SV2A: variants seen among roughly 807,000 people sequenced by gnomAD.
SV2A encodes solute carrier family 22 member B1.
A neutral mutation model predicts 78.0 loss-of-function variants in SV2A; 25 were observed. The ratio of observed to expected loss-of-function variants is 0.32; its 90% confidence interval spans 0.23 to 0.45. The LOEUF is 0.45. SV2A is among the 20% of genes least tolerant of loss of function. The probability of loss-of-function intolerance (pLI) is 1.00; values close to 1 mark genes in which losing one functional copy is unlikely to be tolerated. For missense variants in SV2A, 752 were observed against 971.5 expected (o/e 0.77, Z 3.00); for synonymous variants, 355 against 384.7 (o/e 0.92, Z 0.90).
intron 2 of SV2A, 113 bp from the exon 3 acceptor site, chr1:149,912,093 C>T (rs1260508816): frequency 1.4e-5 from 15 of 1,087,954 alleles, no homozygotes; most frequent in Non-Finnish European, 1.9e-5. Flanking sequence ...GAAGGTAAGT[C>T]TACCCAGAGA....
chr1:149,910,469 CA>C lies in SV2A; in HGVS notation c.1089+100del. ...AGGAAGGCAGGCAGTCAAACAGGAT[CA>C]AATCAAACTCCAGTTGGTGTTTGAA... On this transcript the variant is annotated intron_variant, in intron 5 of 12. Transcript: ENST00000369146. The surrounding 1 kb of genome is among the most constrained non-coding windows in gnomAD (Gnocchi z 4.2). 2 of 1,428,814 alleles carry C rather than the reference CA, an allele frequency of 1.4e-6. No individual in the cohort carries two copies. The highest frequency in any genetic ancestry group is 5.0e-5 in the East Asian group (2 of 40,066). The allele number at this position is 1,428,814 out of a possible 1,614,324, so 88.5% of individuals were successfully genotyped here.
rs782783214 is a variant in SV2A, at chr1:149,906,846, C to G, written c.1689G>C (p.Glu563Asp). Reference sequence around the variant, plus strand: ...TCAGACGGCTGTTCACAAACTTGTACTCGAACAGGTCTGTGGGCAAAGGCC... The same window carrying G: ...TCAGACGGCTGTTCACAAACTTGTAGTCGAACAGGTCTGTGGGCAAAGGCC... Reference protein sequence around the residue: ...NTVFYNTDLFEYKFVNSRLIN... With the variant: ...NTVFYNTDLFDYKFVNSRLIN... Residue 563 changes from glutamate (E) to aspartate (D), a missense_variant, in exon 11 of 13, where the codon GAG (glutamate) becomes GAC (aspartate). Glu to Asp is a conservative substitution (Grantham distance 45). Transcript: ENST00000369146. 3.7e-6 allele frequency: 6 copies of G among 1,614,078 alleles called. No individual in the cohort carries two copies. The South Asian group carries it at 4.4e-5, about 12-fold the overall frequency.
At chr1:149,916,048 CT>C (rs1451028018) in intron 1 of SV2A, among the ~76,000 whole-genome samples, 1 of 152,154 alleles carries the variant, frequency 6.6e-6, no homozygotes, top group Non-Finnish European at 1.5e-5. Context: ...GCAGTGACCC[CT>C]ATGTCACCTT....
Position 149,909,524 on chromosome 1 carries a change from G to C in SV2A, c.1227C>G (p.Ile409Met). 1 of 1,614,070 alleles carries C rather than the reference G, an allele frequency of 6.2e-7. No homozygotes were observed. Among genetic ancestry groups the C allele is most frequent in the Non-Finnish European group, 8.5e-7 (1 of 1,180,010 alleles). Residue 409 changes from isoleucine (I) to methionine (M), a missense_variant, in exon 7 of 13, where the codon ATC (isoleucine) becomes ATG (methionine). This residue lies in a region of SV2A where 136 missense variants were observed against 132.3 expected (regional missense o/e 1.03). Coordinates refer to ENST00000369146, the MANE Select transcript of SV2A (RefSeq NM_014849.5). Reference sequence around the variant, plus strand: ...GGTACCAGGTCCCTGTGTCCGACTGGATCTCAATCAATTCATCCTCCTGAT... The same window carrying C: ...GGTACCAGGTCCCTGTGTCCGACTGCATCTCAATCAATTCATCCTCCTGAT... ...TIHQEDELIEIQSDTGTWYQR... is the reference protein window; with the variant it reads ...TIHQEDELIEMQSDTGTWYQR...
intron 6 of SV2A, 48 bp from the exon 7 acceptor site, chr1:149,909,619 A>G (rs1553763405): frequency 1.9e-6 from 3 of 1,568,156 alleles, no homozygotes; most frequent in African/African-American, 1.4e-5. Context: ...GTGTTTCCCA[A>G]CATCGGCCAG....
intron 6 of SV2A, 57 bp from the exon 7 acceptor site, chr1:149,909,628 A>G: frequency 6.5e-7 from 1 of 1,544,368 alleles, no homozygotes; most frequent in Middle Eastern, 1.7e-4. Context: ...AACATCGGCC[A>G]GGCGCCTCAG....
At position 149,911,911 on chromosome 1, in the gene SV2A, C is replaced by T; in HGVS notation, c.692G>A (p.Arg231Gln). 2 of 1,614,130 alleles carry T rather than the reference C, an allele frequency of 1.2e-6. No homozygotes were observed. Among genetic ancestry groups the T allele is most frequent in the Non-Finnish European group, 8.5e-7 (1 of 1,180,028 alleles). ...GAGCGAGATGAGCAGACACTGCCTC[C>T]GACCCAGCCGGTCAGCCAGACCTCC... Reference protein sequence around the residue: ...LWGGLADRLGRRQCLLISLSV... With the variant: ...LWGGLADRLGQRQCLLISLSV... The change falls in exon 3 of 13, where the codon CGG (arginine) becomes CAG (glutamine). Residue 231 changes from arginine (R) to glutamine (Q), a missense_variant. Physicochemically the swap from Arg to Gln is conservative, Grantham distance 43. Coordinates refer to ENST00000369146, the MANE Select transcript of SV2A (RefSeq NM_014849.5).
chr1:149,911,940 G>A lies in SV2A; in HGVS notation c.663C>T (p.Leu221=). 1 of 1,614,162 alleles carries A rather than the reference G, an allele frequency of 6.2e-7. No homozygotes were observed. The highest frequency in any genetic ancestry group is 1.1e-5 in the South Asian group (1 of 91,080). The change falls in exon 3 of 13, where the codon CTC becomes CTT. Residue 221 remains leucine, a synonymous_variant. Transcript: ENST00000369146. The stretch of plus-strand genomic sequence containing the variant: ...CCAGCCGGTCAGCCAGACCTCCCCA[G>A]AGGAAGGCTCCCACCATCATGCCCA... ...VYLGMMVGAF[L]WGGLADRLGR...
At chr1:149,906,571 C>T in intron 11 of SV2A, 79 bp downstream of exon 11, 3 of 1,478,728 alleles carry the variant, frequency 2.0e-6, no homozygotes, top group South Asian at 2.4e-5. Flanking sequence ...CTTCCACAGC[C>T]CAAGGTGAGA....
At chr1:149,915,100 G>A (rs1161488015) in intron 1 of SV2A, among the ~76,000 whole-genome samples, 1 of 152,194 alleles carries the variant, frequency 6.6e-6, no homozygotes, top group Non-Finnish European at 1.5e-5. Context: ...ACTGATCTCA[G>A]TCAGGGTAGT....
At position 149,913,833 on chromosome 1, in the gene SV2A, T is replaced by C. The variant is rs2092494455; in HGVS notation, c.8A>G (p.Glu3Gly). Residue 3 changes from glutamate to glycine, a missense_variant, in exon 2 of 13, where the codon GAG becomes GGG. Physicochemically the swap from Glu to Gly is moderately conservative, Grantham distance 98. Coordinates refer to ENST00000369146, the MANE Select transcript of SV2A (RefSeq NM_014849.5). MEEGFRDRAAFIR... is the reference protein window; with the variant it reads MEGGFRDRAAFIR... The stretch of plus-strand genomic sequence containing the variant: ...GAAAGCTGCCCGGTCTCGGAAGCCC[T>C]CTTCCATGATGGGGCTTGGGGCACT... The C allele has an allele frequency of 6.2e-7, 1 of 1,606,556 alleles. No individual in the cohort carries two copies. Among genetic ancestry groups the C allele is most frequent in the Admixed American group, 1.7e-5 (1 of 59,574 alleles).
intron 9 of SV2A, 88 bp from the exon 10 acceptor site, chr1:149,907,921 G>C (rs2092449229): frequency 6.4e-7 from 1 of 1,573,692 alleles, no homozygotes; most frequent in Admixed American, 1.8e-5. Flanking sequence ...TGGGAAGCTG[G>C]GCATTGAGAA....
In SV2A at chr1:149,911,886, G is replaced by C. The variant is rs898014003; in HGVS notation, c.717C>G (p.Leu239=). 8 of 1,614,052 alleles carry C rather than the reference G, an allele frequency of 5.0e-6. No homozygotes were observed. The Admixed American group carries it at 8.3e-5, about 17-fold the overall frequency. ...LGRRQCLLIS[L]SVNSVFAFFS... ...AGAAGGCGAAGACGCTGTTGACTGA[G>C]AGCGAGATGAGCAGACACTGCCTCC... The change falls in exon 3 of 13, where the codon CTC becomes CTG. Residue 239 remains leucine (L), a synonymous_variant. Transcript: ENST00000369146.
chr1:149,907,925 T>C (rs1332387471), intron 9 of SV2A, 92 bp from the exon 10 acceptor site: 8 of 1,573,278 alleles, frequency 5.1e-6, no homozygotes, highest in Non-Finnish European at 6.9e-6. Context: ...AAGCTGGGCA[T>C]TGAGAAGAAA....
At chr1:149,906,938 C>T in intron 10 of SV2A, 82 bp from the exon 11 acceptor site, 1 of 1,562,992 alleles carries the variant, frequency 6.4e-7, no homozygotes, top group South Asian at 1.2e-5. Flanking sequence ...CAGGGCTCTG[C>T]ATGTATGAAA....
intron 3 of SV2A, 21 bp downstream of exon 3, chr1:149,911,779 A>C (rs782606375): frequency 1.9e-5 from 30 of 1,611,328 alleles, no homozygotes; most frequent in Non-Finnish European, 2.5e-5. Context: ...CCCTCAAGGG[A>C]CTTAGGAAGT....
rs1559787372 is a variant in SV2A, at chr1:149,907,794, A to C, written c.1584T>G (p.Asp528Glu). The change falls in exon 10 of 13, where the codon GAT becomes GAG. Residue 528 changes from aspartate (D) to glutamate (E), a missense_variant. By Grantham distance (45) the Asp-to-Glu change is conservative (BLOSUM62 2). This residue lies in a region of SV2A where 186 missense variants were observed against 274.6 expected (regional missense o/e 0.68). Coordinates refer to ENST00000369146, the MANE Select transcript of SV2A (RefSeq NM_014849.5). ...GLRLKSVSFE[D>E]SLFEECYFED... ...CAAAATAACACTCTTCAAACAGGGA[A>C]TCCTCAAAGGACACTGACTTGAGCC... 1 of 1,614,230 alleles carries C rather than the reference A, an allele frequency of 6.2e-7. No individual in the cohort carries two copies. Among genetic ancestry groups the C allele is most frequent in the Non-Finnish European group, 8.5e-7 (1 of 1,180,036 alleles).
intron 6 of SV2A, 104 bp downstream of exon 6, chr1:149,909,697 C>T: frequency 6.8e-7 from 1 of 1,470,146 alleles, no homozygotes; most frequent in Non-Finnish European, 9.5e-7. Context: ...TGAAAATCTC[C>T]TTACGGTAGA....
At chr1:149,917,663 A>C (rs1373473992) in intron 1 of SV2A, 76 bp downstream of exon 1, 1 of 152,244 alleles carries the variant, frequency 6.6e-6, no homozygotes, top group African/African-American at 2.4e-5. Context: ...TCGGAGGATA[A>C]AATGGCTGCA....
Sources: gnomAD v4.1 joint callset for allele counts (sites outside exome capture counted in the v4.1 genomes callset) on GRCh38, gnomAD v4.1.1 for gene constraint, gnomAD v4.1.1 regional missense constraint, Gnocchi (gnomAD v3.1) non-coding constraint, MANE v1.5 for transcripts, NCBI Gene and HGNC (gene_info 2026-07-23, HGNC 2026-07-21) for gene names.